The following PLCE1 variants were observed in gnomAD, a reference collection of about 807,000 sequenced individuals.
PLCE1 encodes phospholipase C epsilon 1, also known as 1-phosphatidylinositol 4,5-bisphosphate phosphodiesterase epsilon-1.
PLCE1 carries 119 observed loss-of-function variants against 242.8 expected under a neutral mutation model. The observed-to-expected ratio is 0.49, with a 90% CI of 0.42 to 0.57. The LOEUF is 0.57. Ranked by LOEUF, PLCE1 falls within the 20% of genes least tolerant of loss-of-function variation. The probability of loss-of-function intolerance (pLI) is 0.00; values close to 1 mark genes in which losing one functional copy is unlikely to be tolerated. For missense variants in PLCE1, 2,441 were observed against 2,788.8 expected (o/e 0.88, Z 2.81); for synonymous variants, 945 against 1,017.4 (o/e 0.93, Z 1.35).
At chr10:94,107,563 A>G (rs2045797965) in intron 2 of PLCE1, 1 of 152,228 alleles carries the variant, frequency 6.6e-6, no homozygotes, top group Admixed American at 6.5e-5. Context: ...AAATGGGGCT[A>G]GTAAACAGTG....
Position 94,031,387 on chromosome 10 carries a change from A to T in PLCE1, c.341A>T (p.Gln114Leu). The T allele has an allele frequency of 1.2e-6, 2 of 1,613,938 alleles. No individual in the cohort carries two copies. Among genetic ancestry groups the T allele is most frequent in the Non-Finnish European group, 1.7e-6 (2 of 1,179,894 alleles). ...TGCAACAACATATTGAGAAACCATC[A>T]GCATGGCCTTCCTCAGAGACAATTT... ...INCNNILRNH[Q>L]HGLPQRQFYE... is the part of the protein sequence containing the mutation. The change falls in exon 2 of 33, where the codon CAG becomes CTG. Residue 114 changes from glutamine to leucine, a missense_variant. Gln to Leu is a moderately radical substitution (Grantham distance 113). Transcript: ENST00000371380.
At chr10:94,225,803 T>G (rs928218588) in intron 4 of PLCE1, among the ~76,000 whole-genome samples, 6 of 152,276 alleles carry the variant, frequency 3.9e-5, no homozygotes, top group Non-Finnish European at 5.9e-5. Context: ...CTGTGGTTGC[T>G]GCCAGCACTC....
intron 4 of PLCE1, among the ~76,000 whole-genome samples, chr10:94,197,982 CAAAAAAAAAAAAAAAAA>C (rs3053181): frequency 3.4e-5 from 2 of 58,354 alleles, no homozygotes; most frequent in Non-Finnish European, 5.9e-5. Context: ...GACTCTGTCT[CAAAAAAAAAAAAAAAAA>C]AAAAAAAAAA....
In PLCE1 at chr10:94,331,561, A is replaced by G. The variant is rs532324550; in HGVS notation, c.*3618A>G. 1 of 152,336 alleles carries G rather than the reference A, an allele frequency of 6.6e-6. No individual in the cohort carries two copies. Among genetic ancestry groups the G allele is most frequent in the Non-Finnish European group, 1.5e-5 (1 of 68,052 alleles). The allele number at this position is 152,336 out of a possible 1,614,324, so 9.4% of individuals were successfully genotyped here. On this transcript the variant is annotated 3_prime_UTR_variant, in exon 33 of 33. Coordinates refer to ENST00000371380, the MANE Select transcript of PLCE1 (RefSeq NM_016341.4). ...ATCTTACATTGGCAGCCTGCAGGGAAAGTGCTCTCATGGTGAAAGTCTCTG... is the reference window on the plus strand; with the variant it reads ...ATCTTACATTGGCAGCCTGCAGGGAGAGTGCTCTCATGGTGAAAGTCTCTG...
chr10:94,299,399 T>C (rs1481276137), intron 24 of PLCE1, among the ~76,000 whole-genome samples: 3 of 152,164 alleles, frequency 2.0e-5, no homozygotes, highest in East Asian at 1.9e-4. Flanking sequence ...AAGGCACAAA[T>C]TGGTTAATTT....
At position 94,008,646 on chromosome 10, in the gene PLCE1, A is replaced by G. The variant is rs190583290; in HGVS notation, c.-365+14388A>G. Among the ~76,000 whole-genome samples, 123 of 152,324 alleles carry G rather than the reference A, an allele frequency of 8.1e-4. 1 individual carries two copies. In the East Asian group the frequency reaches 0.023, roughly 29 times the overall value. On this transcript the variant is annotated intron_variant, in intron 1 of 32. Transcript: ENST00000371380. ...TTTATTTAATCATTCCACTATTGAT[A>G]GAATATGCCTTGTTTCCAACTTTTA... is the stretch of plus-strand genomic sequence containing the variant.
intron 3 of PLCE1, among the ~76,000 whole-genome samples, chr10:94,148,710 A>G (rs2047188419): frequency 6.6e-6 from 1 of 152,212 alleles, no homozygotes; most frequent in Admixed American, 6.5e-5. Context: ...GGACTATAGG[A>G]AGTGGAAGGA....
At chr10:94,027,742 A>G (rs1394470616) in intron 1 of PLCE1, among the ~76,000 whole-genome samples, 1 of 152,196 alleles carries the variant, frequency 6.6e-6, no homozygotes, top group Non-Finnish European at 1.5e-5. Flanking sequence ...AATCGCTTGA[A>G]TCCATGAAGT....
intron 2 of PLCE1, among the ~76,000 whole-genome samples, chr10:94,078,762 C>T (rs544731789): frequency 2.6e-5 from 4 of 152,280 alleles, no homozygotes; most frequent in South Asian, 2.1e-4. Context: ...GGATTACAGG[C>T]GTGAGCCACC....
chr10:94,078,758 C>T (rs577604471), intron 2 of PLCE1, among the ~76,000 whole-genome samples: 1 of 152,218 alleles, frequency 6.6e-6, no homozygotes, highest in Non-Finnish European at 1.5e-5. Context: ...GCTGGGATTA[C>T]AGGCGTGAGC....
intron 2 of PLCE1, among the ~76,000 whole-genome samples, chr10:94,067,810 G>A (rs1228559328): frequency 6.6e-6 from 1 of 152,224 alleles, no homozygotes; most frequent in Non-Finnish European, 1.5e-5. Context: ...CTGGGTTAGT[G>A]CTGGCCTTTG....
chr10:94,239,643 C>T (rs538424281), intron 7 of PLCE1, among the ~76,000 whole-genome samples: 14 of 152,334 alleles, frequency 9.2e-5, no homozygotes, highest in African/African-American at 3.4e-4. Flanking sequence ...AATCCTCAGT[C>T]ATCCTCCTCT....
intron 2 of PLCE1, among the ~76,000 whole-genome samples, chr10:94,091,885 T>C (rs929531333): frequency 1.3e-5 from 2 of 152,142 alleles, no homozygotes; most frequent in African/African-American, 4.8e-5. Context: ...TTAGCAATAA[T>C]GAGAGTGTTT....
intron 2 of PLCE1, among the ~76,000 whole-genome samples, chr10:94,074,433 G>T (rs2044446529): frequency 6.6e-6 from 1 of 152,022 alleles, no homozygotes; most frequent in South Asian, 2.1e-4. Context: ...TCAAACTCCT[G>T]AGCTCAAGCT....
At position 94,225,751 on chromosome 10, in the gene PLCE1, G is replaced by A. The variant is rs540965404; in HGVS notation, c.1810-1555G>A. Among the ~76,000 whole-genome samples, 15 of 152,356 alleles carry A rather than the reference G, an allele frequency of 9.8e-5. No individual in the cohort carries two copies. In the East Asian group the frequency reaches 2.7e-3, roughly 27 times the overall value. On this transcript the variant is annotated intron_variant, in intron 4 of 32. Coordinates refer to ENST00000371380, the MANE Select transcript of PLCE1 (RefSeq NM_016341.4). ...CCTTGAAAAGTCACTTCTCCCATGA[G>A]CCATAGATTCTCGATCTGGAAAAAT...
In PLCE1 at chr10:94,328,090, T is replaced by C. The variant is rs1186983519; in HGVS notation, c.*147T>C. The C allele has an allele frequency of 2.0e-5, 9 of 441,416 alleles. No homozygotes were observed. Among genetic ancestry groups the C allele is most frequent in the Non-Finnish European group, 1.9e-5 (4 of 212,506 alleles). 27.3% of individuals were successfully genotyped at this position (441,416 alleles called of 1,614,324 possible). On this transcript the variant is annotated 3_prime_UTR_variant, in exon 33 of 33. Coordinates refer to ENST00000371380, the MANE Select transcript of PLCE1 (RefSeq NM_016341.4). ...GAAGCCTTCACACATGTGAGATCCA[T>C]GCTGAGGAGAAGCAAAATGGCACAG...
chr10:94,304,035 G>A (rs1370495603), intron 24 of PLCE1, among the ~76,000 whole-genome samples: 1 of 152,170 alleles, frequency 6.6e-6, no homozygotes, highest in African/African-American at 2.4e-5. Context: ...TATGCAGAAG[G>A]ATGGTATAGG....
intron 1 of PLCE1, among the ~76,000 whole-genome samples, chr10:94,027,852 A>AT (rs1247555150): frequency 6.8e-6 from 1 of 148,124 alleles, no homozygotes; most frequent in Non-Finnish European, 1.5e-5. Flanking sequence ...AATAAATAAG[A>AT]TAAAAAATAA....
At chr10:94,246,991 A>G (rs923564478) in intron 8 of PLCE1, among the ~76,000 whole-genome samples, 1 of 152,000 alleles carries the variant, frequency 6.6e-6, no homozygotes, top group Non-Finnish European at 1.5e-5. Context: ...ACATGCCTGT[A>G]ATCCCAGCTA....
Sources: gnomAD v4.1 joint callset for allele counts (sites outside exome capture counted in the v4.1 genomes callset) on GRCh38, gnomAD v4.1.1 for gene constraint, MANE v1.5 for transcripts, NCBI Gene and HGNC (gene_info 2026-07-23, HGNC 2026-07-21) for gene names.